The following RAD54L2 variants were observed in gnomAD, a reference collection of about 807,000 sequenced individuals.
RAD54L2 encodes RAD54 like 2, also known as helicase ARIP4.
In RAD54L2, 27 loss-of-function variants were observed where a neutral mutation model predicts 138.4. The observed-to-expected ratio is 0.20, with a 90% CI of 0.14 to 0.27. RAD54L2 has a LOEUF of 0.27. Ranked by LOEUF, RAD54L2 falls within the 10% of genes least tolerant of loss-of-function variation. RAD54L2 has a pLI of 1.00. For synonymous variants in RAD54L2, 644 were observed against 723.2 expected (o/e 0.89, Z 1.76); for missense variants, 1,396 against 1,890.2 (o/e 0.74, Z 4.85).
chr3:51,608,070 C>T (rs548190885), intron 3 of RAD54L2, among the ~76,000 whole-genome samples: 3 of 150,770 alleles, frequency 2.0e-5, no homozygotes, highest in Admixed American at 6.6e-5. Flanking sequence ...ACTTCCCAGA[C>T]GGGGCGGCTG....
chr3:51,562,596 C>G (rs374158147), intron 2 of RAD54L2, among the ~76,000 whole-genome samples: 1 of 152,068 alleles, frequency 6.6e-6, no homozygotes, highest in Non-Finnish European at 1.5e-5. Flanking sequence ...AACTCCTGAC[C>G]TCAGGTGAGG....
chr3:51,566,075 G>A (rs1408627094), intron 2 of RAD54L2, among the ~76,000 whole-genome samples: 2 of 151,984 alleles, frequency 1.3e-5, no homozygotes, highest in African/African-American at 4.8e-5. Flanking sequence ...TGATATGCCC[G>A]CCTCGGCCTC....
At chr3:51,579,996 G>A (rs1182060951) in intron 2 of RAD54L2, among the ~76,000 whole-genome samples, 2 of 151,864 alleles carry the variant, frequency 1.3e-5, no homozygotes, top group East Asian at 1.9e-4. Flanking sequence ...TCAATTTTCC[G>A]ATTCTCTGGA....
Position 51,637,405 on chromosome 3 carries a change from C to T in RAD54L2, c.1584C>T (p.Ile528=). Residue 528 remains isoleucine, a synonymous_variant, in exon 11 of 23, where the codon ATC becomes ATT. Coordinates refer to ENST00000684192, the MANE Select transcript of RAD54L2 (RefSeq NM_015106.4). The surrounding 1 kb of genome is among the most constrained non-coding windows in gnomAD (Gnocchi z 5.9). The part of the protein sequence containing the change: ...QEFSNMFERP[I]LNGQCIDSTP... ...TCAGCAACATGTTTGAACGCCCTAT[C>T]CTGAATGGGCAATGTATTGACAGCA... 1 of 1,613,906 alleles carries T rather than the reference C, an allele frequency of 6.2e-7. No individual in the cohort carries two copies. The highest frequency in any genetic ancestry group is 8.5e-7 in the Non-Finnish European group (1 of 1,179,854).
At chr3:51,604,924 T>C (rs1255431582) in intron 3 of RAD54L2, among the ~76,000 whole-genome samples, 1 of 151,978 alleles carries the variant, frequency 6.6e-6, no homozygotes, top group African/African-American at 2.4e-5. Context: ...GTCTTTTTTC[T>C]TTTTTTCTTT....
At position 51,645,542 on chromosome 3, in the gene RAD54L2, C is replaced by T. The variant is rs374393612; in HGVS notation, c.2657-49C>T. On this transcript the variant is annotated intron_variant, in intron 17 of 22. Coordinates refer to ENST00000684192, the MANE Select transcript of RAD54L2 (RefSeq NM_015106.4). The surrounding 1 kb of genome is among the most constrained non-coding windows in gnomAD (Gnocchi z 6.1). Reference sequence around the variant, plus strand: ...GACTTTTCATTATTAGTGACCTTTACAGTTTTTAATGCCATGTGCTGACTT... The same window carrying T: ...GACTTTTCATTATTAGTGACCTTTATAGTTTTTAATGCCATGTGCTGACTT... 1.2e-5 allele frequency: 18 copies of T among 1,514,428 alleles called. No homozygotes were observed. The highest frequency in any genetic ancestry group is 1.6e-5 in the Non-Finnish European group (18 of 1,119,784). The allele number at this position is 1,514,428 out of a possible 1,614,324, so 93.8% of individuals were successfully genotyped here.
At position 51,662,885 on chromosome 3, in the gene RAD54L2, T is replaced by C. The variant is rs746750508; in HGVS notation, c.3869T>C (p.Val1290Ala). ...CAGCCGTATGAACACGGGTATCCAGTCTCTGGCGGGTTTGCCATGCCACCC... is the reference window on the plus strand; with the variant it reads ...CAGCCGTATGAACACGGGTATCCAGCCTCTGGCGGGTTTGCCATGCCACCC... ...PVQPYEHGYP[V>A]SGGFAMPPVS... The change falls in exon 23 of 23, where the codon GTC becomes GCC. Residue 1290 changes from valine (V) to alanine (A), a missense_variant. Around this residue, in one of 7 missense-constraint regions of RAD54L2, gnomAD observed 634 missense variants for 711.2 expected, o/e 0.89. Transcript: ENST00000684192. This position sits in a 1 kb window ranked among gnomAD's most constrained non-coding sequence, Gnocchi z 4.6. 1 of 1,613,676 alleles carries C rather than the reference T, an allele frequency of 6.2e-7. No individual in the cohort carries two copies. The highest frequency in any genetic ancestry group is 8.5e-7 in the Non-Finnish European group (1 of 1,179,824).
intron 2 of RAD54L2, among the ~76,000 whole-genome samples, chr3:51,565,330 A>G (rs148444922): frequency 3.8e-4 from 56 of 146,668 alleles, no homozygotes; most frequent in African/African-American, 1.4e-3. Flanking sequence ...TGGGAGGTAG[A>G]GGCTGCAGGC....
chr3:51,538,972 A>G (rs1378946375), intron 1 of RAD54L2, among the ~76,000 whole-genome samples, 57 bp downstream of exon 1: 2 of 151,968 alleles, frequency 1.3e-5, no homozygotes, highest in East Asian at 1.9e-4. Flanking sequence ...TCCCGCAACA[A>G]TGGGGACCGA....
intron 3 of RAD54L2, among the ~76,000 whole-genome samples, chr3:51,601,598 G>A (rs974622180): frequency 4.0e-5 from 6 of 150,618 alleles, no homozygotes; most frequent in Non-Finnish European, 8.9e-5. Flanking sequence ...GAGCCACCGC[G>A]CCCGGGCTAA....
At chr3:51,609,198 A>G (rs1259829042) in intron 3 of RAD54L2, among the ~76,000 whole-genome samples, 1 of 152,220 alleles carries the variant, frequency 6.6e-6, no homozygotes, top group African/African-American at 2.4e-5. Flanking sequence ...TTAAATGGCT[A>G]GTCAGAAAAG....
rs1700997576 is a variant in RAD54L2 at position 51,637,010 on chromosome 3, G to A, written c.1340-151G>A. The A allele has an allele frequency of 4.5e-6, 3 of 659,968 alleles. No individual in the cohort carries two copies. The highest frequency in any genetic ancestry group is 5.3e-6 in the Non-Finnish European group (2 of 377,650). 40.9% of individuals were successfully genotyped at this position (659,968 alleles called of 1,614,324 possible). On this transcript the variant is annotated intron_variant, in intron 10 of 22. Coordinates refer to ENST00000684192, the MANE Select transcript of RAD54L2 (RefSeq NM_015106.4). The surrounding 1 kb of genome is among the most constrained non-coding windows in gnomAD (Gnocchi z 5.9). ...ACCAGTCATATCCAGGAGCTTGAATGGCTGGCACCCTCTCACCAAGGGGGG... is the reference window on the plus strand; with the variant it reads ...ACCAGTCATATCCAGGAGCTTGAATAGCTGGCACCCTCTCACCAAGGGGGG...
Position 51,634,013 on chromosome 3 carries a change from C to T in RAD54L2, c.1120C>T (p.His374Tyr). ...EEVQPRFFKVHILNDEHKTMA... is the reference protein window; with the variant it reads ...EEVQPRFFKVYILNDEHKTMA... ...AGTCCAGCCTCGGTTCTTTAAAGTT[C>T]ACATCTTGAATGATGAGCACAAGTA... The change falls in exon 9 of 23, where the codon CAC becomes TAC. Residue 374 changes from histidine (H) to tyrosine (Y), a missense_variant. Transcript: ENST00000684192. 6.2e-7 allele frequency: 1 copy of T among 1,613,708 alleles called. No homozygotes were observed. Among genetic ancestry groups the T allele is most frequent in the Non-Finnish European group, 8.5e-7 (1 of 1,179,870 alleles).
chr3:51,605,515 T>G (rs1202028882), intron 3 of RAD54L2, among the ~76,000 whole-genome samples: 1 of 138,290 alleles, frequency 7.2e-6, no homozygotes, highest in Non-Finnish European at 1.5e-5. Flanking sequence ...TGCAGTGGCG[T>G]GATCTTGGCT....
chr3:51,568,685 G>A (rs956945075), intron 2 of RAD54L2, among the ~76,000 whole-genome samples: 1 of 152,124 alleles, frequency 6.6e-6, no homozygotes, highest in Non-Finnish European at 1.5e-5. Flanking sequence ...ACTCTTAACT[G>A]CTCTAGGATG....
At chr3:51,623,247 A>T (rs1217843565) in intron 3 of RAD54L2, among the ~76,000 whole-genome samples, 1 of 152,218 alleles carries the variant, frequency 6.6e-6, no homozygotes, top group East Asian at 1.9e-4. Context: ...AACAAGATGC[A>T]GTTTGCACAT....
rs183384391 is a variant in RAD54L2, at chr3:51,638,491, G to A, written c.1860+170G>A. The stretch of plus-strand genomic sequence containing the variant: ...CTCCAAGGAGAGAGGTGATGGTTTT[G>A]TACCACATAACTCCTGGGGGTGCCA... On this transcript the variant is annotated intron_variant, in intron 12 of 22. Transcript: ENST00000684192. The surrounding 1 kb of genome is among the most constrained non-coding windows in gnomAD (Gnocchi z 4.3). 1.4e-6 allele frequency: 1 copy of A among 733,516 alleles called. No homozygotes were observed. The highest frequency in any genetic ancestry group is 2.7e-5 in the East Asian group (1 of 36,598). The allele number at this position is 733,516 out of a possible 1,614,324, so 45.4% of individuals were successfully genotyped here. A position where few individuals can be genotyped will look rare whatever the true frequency, so the allele number is the denominator to read the frequency against.
chr3:51,635,478 T>A, intron 9 of RAD54L2, 115 bp from the exon 10 acceptor site: 1 of 1,173,298 alleles, frequency 8.5e-7, no homozygotes, highest in Non-Finnish European at 1.2e-6. Context: ...TAAGAAGTTC[T>A]GAATGTACAT....
chr3:51,655,505 A>G (rs944349775), intron 19 of RAD54L2, among the ~76,000 whole-genome samples: 3 of 152,178 alleles, frequency 2.0e-5, no homozygotes, highest in African/African-American at 7.2e-5. Flanking sequence ...GGAACAGACT[A>G]TTTTTTAGGA....
Sources: gnomAD v4.1 joint callset for allele counts (sites outside exome capture counted in the v4.1 genomes callset) on GRCh38, gnomAD v4.1.1 for gene constraint, gnomAD v4.1.1 regional missense constraint, Gnocchi (gnomAD v3.1) non-coding constraint, MANE v1.5 for transcripts, NCBI Gene and HGNC (gene_info 2026-07-23, HGNC 2026-07-21) for gene names.